Variants in HACE1 observed in about 807,000 individuals in gnomAD.
The protein encoded by HACE1 is E3 ubiquitin-protein ligase HACE1.
Under a neutral mutation model 118.4 loss-of-function variants are expected in HACE1, and 73 were observed. The observed-to-expected ratio is 0.62, with a 90% CI of 0.51 to 0.75. The LOEUF (loss-of-function observed/expected upper bound fraction) is 0.75, where lower values mean the gene tolerates loss of function less well. Ranked by LOEUF, HACE1 falls within the 30% of genes least tolerant of loss-of-function variation. HACE1 has a pLI of 0.00. For synonymous variants in HACE1, 368 were observed against 374.8 expected (o/e 0.98, Z 0.21); for missense variants, 749 against 1,102.2 (o/e 0.68, Z 4.54).
chr6:104,760,978 T>C (rs1779290884), intron 19 of HACE1, among the ~76,000 whole-genome samples: 1 of 152,108 alleles, frequency 6.6e-6, no homozygotes, highest in African/African-American at 2.4e-5. Context: ...TACCTAGGAA[T>C]ACAACTTACA....
At chr6:104,845,343 T>G (rs557638159) in intron 4 of HACE1, among the ~76,000 whole-genome samples, 1 of 152,166 alleles carries the variant, frequency 6.6e-6, no homozygotes, top group African/African-American at 2.4e-5. Flanking sequence ...TTCTCATTGA[T>G]TGAATAAAAC....
At chr6:104,834,298 T>C (rs1427813141) in intron 5 of HACE1, among the ~76,000 whole-genome samples, 1 of 152,202 alleles carries the variant, frequency 6.6e-6, no homozygotes, top group Non-Finnish European at 1.5e-5. Flanking sequence ...ATTTTTCTTT[T>C]CCCAGAAGCA....
chr6:104,808,443 C>T (rs6937079), intron 7 of HACE1, among the ~76,000 whole-genome samples: 26,398 of 152,058 alleles, frequency 0.17, 2,475 homozygotes, highest in African/African-American at 0.25. Flanking sequence ...ACAAACAAAG[C>T]TTCAGGGATC....
intron 22 of HACE1, among the ~76,000 whole-genome samples, chr6:104,735,588 G>A (rs764080768): frequency 7.9e-5 from 12 of 151,734 alleles, no homozygotes; most frequent in South Asian, 2.1e-4. Context: ...CCGAGATGGC[G>A]CCAGTGCACT....
At chr6:104,792,873 T>C (rs1156247638) in intron 10 of HACE1, among the ~76,000 whole-genome samples, 1 of 152,186 alleles carries the variant, frequency 6.6e-6, no homozygotes, top group East Asian at 1.9e-4. Flanking sequence ...CTCCCTGCTC[T>C]TTCTACCCAA....
intron 19 of HACE1, among the ~76,000 whole-genome samples, chr6:104,751,098 C>T (rs1582657421): frequency 6.6e-6 from 1 of 152,272 alleles, no homozygotes; most frequent in East Asian, 1.9e-4. Context: ...CATTCATTCA[C>T]TCAATTCTAG....
intron 6 of HACE1, among the ~76,000 whole-genome samples, chr6:104,816,187 G>A (rs1477721390): frequency 1.3e-5 from 2 of 152,222 alleles, no homozygotes; most frequent in Non-Finnish European, 2.9e-5. Context: ...CTGCAGAAGT[G>A]TACATAAGTA....
chr6:104,844,867 T>C (rs1775495243), intron 4 of HACE1, among the ~76,000 whole-genome samples: 2 of 151,012 alleles, frequency 1.3e-5, no homozygotes, highest in Admixed American at 1.3e-4. Flanking sequence ...TTTCACCACG[T>C]TGGCCAGGCT....
intron 6 of HACE1, among the ~76,000 whole-genome samples, chr6:104,832,088 C>G (rs1040001902): frequency 6.6e-6 from 1 of 151,866 alleles, no homozygotes; most frequent in Non-Finnish European, 1.5e-5. Flanking sequence ...ATACACAATG[C>G]AAGTAGAAAA....
chr6:104,787,898 G>A (rs1782615807), intron 11 of HACE1, among the ~76,000 whole-genome samples: 1 of 152,068 alleles, frequency 6.6e-6, no homozygotes, highest in South Asian at 2.1e-4. Flanking sequence ...AATAAGATAA[G>A]TAATAAACCA....
chr6:104,764,940 A>C (rs990283655), intron 19 of HACE1, among the ~76,000 whole-genome samples: 2 of 152,196 alleles, frequency 1.3e-5, no homozygotes, highest in African/African-American at 4.8e-5. Context: ...CTGTGTTCCA[A>C]GCACTGGCAA....
chr6:104,748,844 C>G (rs547280206), intron 20 of HACE1, among the ~76,000 whole-genome samples: 2 of 152,230 alleles, frequency 1.3e-5, no homozygotes, highest in East Asian at 3.9e-4. Flanking sequence ...CGAATCTCGT[C>G]TATGATTTTA....
At chr6:104,793,127 C>T (rs541510107) in intron 10 of HACE1, among the ~76,000 whole-genome samples, 2 of 151,990 alleles carry the variant, frequency 1.3e-5, no homozygotes, top group East Asian at 1.9e-4. Flanking sequence ...ATTAGCCGGG[C>T]GTGGTGGCAG....
In HACE1 at chr6:104,813,544, G is replaced by C. The variant is rs548453035; in HGVS notation, c.535-2151C>G. ...GACCAGGGAAGGGAAAATGCTATTGGCAGCTAGTGGGTAGAGGTCAGGGAT... is the reference window on the plus strand; with the variant it reads ...GACCAGGGAAGGGAAAATGCTATTGCCAGCTAGTGGGTAGAGGTCAGGGAT... On this transcript the variant is annotated intron_variant, in intron 6 of 23. Transcript: ENST00000262903. Among the ~76,000 whole-genome samples the C allele has an allele frequency of 4.2e-4, 58 of 138,030 alleles. 14 individuals are homozygous for C. The highest frequency in any genetic ancestry group is 1.5e-3 in the African/African-American group (51 of 34,560). The allele number at this position is 138,030 out of a possible 152,430, so 90.6% of individuals were successfully genotyped here. A position where few individuals can be genotyped will look rare whatever the true frequency, so the allele number is the denominator to read the frequency against.
chr6:104,837,086 T>G (rs563828331), intron 5 of HACE1, among the ~76,000 whole-genome samples: 3 of 152,190 alleles, frequency 2.0e-5, no homozygotes, highest in Non-Finnish European at 4.4e-5. Context: ...AATTGACCTA[T>G]CAGTTTAAAG....
chr6:104,741,718 G>A (rs1716115431), intron 22 of HACE1, among the ~76,000 whole-genome samples: 2 of 149,632 alleles, frequency 1.3e-5, no homozygotes, highest in South Asian at 4.3e-4. Context: ...TCATTATCGT[G>A]AAAATGGCCA....
intron 14 of HACE1, among the ~76,000 whole-genome samples, chr6:104,780,776 C>T (rs12528873): frequency 0.12 from 17,826 of 152,116 alleles, 1,156 homozygotes; most frequent in Middle Eastern, 0.2. Flanking sequence ...TAATAATGTC[C>T]TCTTATTGCA....
At chr6:104,761,353 T>C (rs1006281728) in intron 19 of HACE1, among the ~76,000 whole-genome samples, 4 of 152,032 alleles carry the variant, frequency 2.6e-5, no homozygotes, top group South Asian at 2.1e-4. Flanking sequence ...AAACGATATA[T>C]AGAACAATGG....
intron 19 of HACE1, among the ~76,000 whole-genome samples, chr6:104,752,800 ATATT>A (rs1368796488): frequency 6.6e-6 from 1 of 152,040 alleles, no homozygotes; most frequent in Middle Eastern, 3.4e-3. Context: ...ATTTATTTTA[ATATT>A]TATTATTTTC....
Sources: gnomAD v4.1 joint callset for allele counts (sites outside exome capture counted in the v4.1 genomes callset) on GRCh38, gnomAD v4.1.1 for gene constraint, MANE v1.5 for transcripts, NCBI Gene and HGNC (gene_info 2026-07-23, HGNC 2026-07-21) for gene names.